Variants in COL27A1 observed in about 807,000 individuals in gnomAD.
COL27A1 encodes collagen type XXVII alpha 1 chain, also known as collagen alpha-1(XXVII) chain.
COL27A1 carries 106 observed loss-of-function variants against 251.3 expected under a neutral mutation model. The observed-to-expected ratio is 0.42, with a 90% CI of 0.36 to 0.50. The LOEUF is 0.50. COL27A1 is among the 20% of genes least tolerant of loss of function. The pLI is 0.00. For missense variants in COL27A1, 2,325 were observed against 2,522.8 expected, an observed-to-expected ratio of 0.92 and a Z score of 1.68; for synonymous variants, 1,000 against 986.3, an observed-to-expected ratio of 1.01 and a Z score of -0.26.
chr9:114,187,800 A>G (rs1348040744), intron 5 of COL27A1, among the ~76,000 whole-genome samples: 1 of 152,252 alleles, frequency 6.6e-6, no homozygotes, highest in Non-Finnish European at 1.5e-5. Flanking sequence ...AACTTACTCC[A>G]TTAGTAAAAA....
chr9:114,302,042 T>C, intron 55 of COL27A1, 40 bp from the exon 56 acceptor site: 5 of 1,593,014 alleles, frequency 3.1e-6, no homozygotes, highest in Non-Finnish European at 3.4e-6. Context: ...TCCAGCACAC[T>C]GTCCCTGTCA....
chr9:114,229,292 C>T (rs754351485), intron 14 of COL27A1, among the ~76,000 whole-genome samples: 1 of 152,230 alleles, frequency 6.6e-6, no homozygotes, highest in Non-Finnish European at 1.5e-5. Context: ...GAGTGAGAAT[C>T]GGCATCATCT....
intron 27 of COL27A1, among the ~76,000 whole-genome samples, chr9:114,254,123 G>A (rs1466402376): frequency 6.6e-6 from 1 of 152,140 alleles, no homozygotes; most frequent in Non-Finnish European, 1.5e-5. Context: ...TCTGGTATGG[G>A]GGGGCAGGGT....
intron 3 of COL27A1, among the ~76,000 whole-genome samples, chr9:114,175,899 C>G (rs1827398294): frequency 1.3e-5 from 2 of 152,204 alleles, no homozygotes; most frequent in South Asian, 4.1e-4. Context: ...GAGGAAATTA[C>G]CCCCACCTTG....
intron 19 of COL27A1, 141 bp from the exon 20 acceptor site, chr9:114,240,079 A>T (rs1832652104): frequency 1.3e-6 from 1 of 761,358 alleles, no homozygotes; most frequent in Non-Finnish European, 2.3e-6. Flanking sequence ...GGACTGTGGG[A>T]TCAAGGTGGT....
At position 114,205,962 on chromosome 9, in the gene COL27A1, C is replaced by T. The variant is rs537124654; in HGVS notation, c.2223+150C>T. ...GGAGGGGGCTTTCCAGGGGACTGGACCAAGGAAGCCTGTCTTTGCAGGCAC... is the reference window on the plus strand; with the variant it reads ...GGAGGGGGCTTTCCAGGGGACTGGATCAAGGAAGCCTGTCTTTGCAGGCAC... On this transcript the variant is annotated intron_variant, in intron 9 of 60. Coordinates refer to ENST00000356083, the MANE Select transcript of COL27A1 (RefSeq NM_032888.4). 1.0e-3 allele frequency: 725 copies of T among 713,438 alleles called. 2 individuals are homozygous for T. The highest frequency in any genetic ancestry group is 1.5e-3 in the Non-Finnish European group (660 of 431,304). The allele number at this position is 713,438 out of a possible 1,614,324, so 44.2% of individuals were successfully genotyped here. A position where few individuals can be genotyped will look rare whatever the true frequency, so the allele number is the denominator to read the frequency against.
chr9:114,298,134 TAA>T lies in COL27A1; in HGVS notation c.4585-1921_4585-1920del, dbSNP rs35546102. The stretch of plus-strand genomic sequence containing the variant: ...TGGGCAACATCTCAAGACCCCATCT[TAA>T]AAAAAAAAAAAAAAGTACAAGATAT... On this transcript the variant is annotated intron_variant, in intron 49 of 60. Transcript: ENST00000356083. Among the ~76,000 whole-genome samples, 718 of 141,058 alleles carry T rather than the reference TAA, an allele frequency of 5.1e-3. 4 individuals carry two copies. The highest frequency in any genetic ancestry group is 0.015 in the African/African-American group (571 of 38,170). The allele number at this position is 141,058 out of a possible 152,430, so 92.5% of individuals were successfully genotyped here.
At chr9:114,285,746 G>C (rs1161839913) in intron 41 of COL27A1, among the ~76,000 whole-genome samples, 1 of 152,200 alleles carries the variant, frequency 6.6e-6, no homozygotes, top group South Asian at 2.1e-4. Flanking sequence ...GGTCCCTCCT[G>C]GGCCCTCGCA....
intron 7 of COL27A1, among the ~76,000 whole-genome samples, chr9:114,201,220 G>A (rs916460653): frequency 4.6e-5 from 7 of 152,186 alleles, no homozygotes; most frequent in African/African-American, 1.2e-4. Context: ...GGAGCTCCCC[G>A]AAACATTCCC....
chr9:114,231,733 G>A (rs1831970549), intron 15 of COL27A1, 89 bp from the exon 16 acceptor site: 1 of 1,308,170 alleles, frequency 7.6e-7, no homozygotes, highest in Admixed American at 1.7e-5. Context: ...TCTAGCACGG[G>A]GTCTTGCAGC....
intron 32 of COL27A1, 40 bp downstream of exon 32, chr9:114,265,515 T>G: frequency 6.3e-7 from 1 of 1,599,482 alleles, no homozygotes; most frequent in Non-Finnish European, 8.6e-7. Flanking sequence ...TCTTTGCCGC[T>G]GGCACCTGGG....
At chr9:114,301,890 G>A (rs745463191) in intron 55 of COL27A1, among the ~76,000 whole-genome samples, 173 bp downstream of exon 55, 2 of 152,148 alleles carry the variant, frequency 1.3e-5, no homozygotes, top group Non-Finnish European at 2.9e-5. Flanking sequence ...TTGCCTACGT[G>A]GGGTAACACC....
At chr9:114,174,684 A>G (rs989646839) in intron 3 of COL27A1, among the ~76,000 whole-genome samples, 8 of 152,194 alleles carry the variant, frequency 5.3e-5, no homozygotes, top group Non-Finnish European at 8.8e-5. Context: ...TGGGTATTAC[A>G]TTCCCATTTC....
intron 37 of COL27A1, among the ~76,000 whole-genome samples, chr9:114,278,451 ACTGATGATGGTG>A (rs1393562967): frequency 0.028 from 133 of 4,698 alleles, 1 homozygote; most frequent in African/African-American, 0.07. Context: ...ATGATGGGGC[ACTGATGATGGTG>A]GTGGTGATGG....
chr9:114,278,862 G>C (rs556949794), intron 37 of COL27A1, among the ~76,000 whole-genome samples: 2 of 152,164 alleles, frequency 1.3e-5, no homozygotes, highest in Admixed American at 6.5e-5. Context: ...AAACAGTTGA[G>C]TATTTAAAAA....
intron 23 of COL27A1, among the ~76,000 whole-genome samples, chr9:114,245,361 TGGC>T (rs1833060119): frequency 6.6e-6 from 1 of 152,092 alleles, no homozygotes; most frequent in Admixed American, 6.5e-5. Context: ...TTCTCCATGT[TGGC>T]CAGGCTGGTC....
At chr9:114,297,567 G>C (rs1828339160) in intron 49 of COL27A1, among the ~76,000 whole-genome samples, 1 of 152,092 alleles carries the variant, frequency 6.6e-6, no homozygotes, top group Non-Finnish European at 1.5e-5. Context: ...ATAAAATAAA[G>C]GACAAACATT....
chr9:114,256,319 G>A (rs903398377), intron 27 of COL27A1, among the ~76,000 whole-genome samples: 8 of 152,100 alleles, frequency 5.3e-5, no homozygotes, highest in South Asian at 2.1e-4. Context: ...GTGAAACCCC[G>A]TCTCTACTAA....
intron 2 of COL27A1, among the ~76,000 whole-genome samples, chr9:114,164,661 C>T (rs1848708988): frequency 1.3e-5 from 2 of 152,210 alleles, no homozygotes; most frequent in African/African-American, 4.8e-5. Context: ...GCTTCCTGCC[C>T]TTACCTCTTG....
Sources: gnomAD v4.1 joint callset for allele counts (sites outside exome capture counted in the v4.1 genomes callset) on GRCh38, gnomAD v4.1.1 for gene constraint, MANE v1.5 for transcripts, NCBI Gene and HGNC (gene_info 2026-07-23, HGNC 2026-07-21) for gene names.